SIL1: variants seen among roughly 807,000 people sequenced by gnomAD.
SIL1 encodes nucleotide exchange factor SIL1.
Under a neutral mutation model 49.1 loss-of-function variants are expected in SIL1, and 40 were observed. The observed-to-expected ratio is 0.81, with a 90% CI of 0.63 to 1.06. SIL1 has a LOEUF of 1.06. SIL1 is among the 50% of genes least tolerant of loss of function. The pLI is 0.00. For synonymous variants in SIL1, 253 were observed against 250.8 expected (o/e 1.01, Z -0.08); for missense variants, 500 against 572.6 (o/e 0.87, Z 1.29).
chr5:139,195,746 G>A (rs530074733), intron 1 of SIL1, among the ~76,000 whole-genome samples: 1 of 152,292 alleles, frequency 6.6e-6, no homozygotes, highest in South Asian at 2.1e-4. Context: ...CTTATCCAAG[G>A]TTATGTGGCT....
In SIL1 at chr5:139,040,495, TTTC is replaced by T. The variant is rs1160754770; in HGVS notation, c.453+2122_453+2124del. 5.5e-5 allele frequency among the ~76,000 whole-genome samples: 6 copies of T among 109,108 alleles called. 1 individual carries two copies. Among genetic ancestry groups the T allele is most frequent in the African/African-American group, 7.4e-5 (2 of 27,092 alleles). 71.6% of individuals were successfully genotyped at this position (109,108 alleles called of 152,430 possible). Reference sequence around the variant, plus strand: ...GAGGAGTATTTTTTCTTTTTTCTTTTTTCTTTTTTTTTTTTTTTTTGAGACAGA... The same window carrying T: ...GAGGAGTATTTTTTCTTTTTTCTTTTTTTTTTTTTTTTTTTTTGAGACAGA... On this transcript the variant is annotated intron_variant, in intron 5 of 9. Coordinates refer to ENST00000394817, the MANE Select transcript of SIL1 (RefSeq NM_022464.5).
intron 2 of SIL1, among the ~76,000 whole-genome samples, chr5:139,125,761 G>A (rs1750739375): frequency 6.6e-6 from 1 of 152,126 alleles, no homozygotes; most frequent in Non-Finnish European, 1.5e-5. Context: ...CGAAGGGCCT[G>A]TGCGCCTTCC....
At chr5:139,165,885 G>A (rs13170331) in intron 1 of SIL1, among the ~76,000 whole-genome samples, 59,548 of 151,080 alleles carry the variant, frequency 0.39, 12,764 homozygotes, top group South Asian at 0.51. Flanking sequence ...GGATGGTCTC[G>A]ATCTCCTGAC....
intron 7 of SIL1, among the ~76,000 whole-genome samples, chr5:139,001,847 GTGAGCCA>G (rs901917918): frequency 6.6e-6 from 1 of 152,002 alleles, no homozygotes; most frequent in Admixed American, 6.6e-5. Context: ...AGAGGTTGCC[GTGAGCCA>G]AGTCGCGCCA....
At chr5:139,033,669 T>C (rs1477997907) in intron 5 of SIL1, among the ~76,000 whole-genome samples, 2 of 152,060 alleles carry the variant, frequency 1.3e-5, no homozygotes, top group East Asian at 3.9e-4. Context: ...GATTCCATTA[T>C]AATGAGAGAA....
At chr5:138,975,908 T>C (rs1012975872) in intron 7 of SIL1, among the ~76,000 whole-genome samples, 6 of 152,148 alleles carry the variant, frequency 3.9e-5, no homozygotes, top group Admixed American at 6.5e-5. Flanking sequence ...AACAGAAAAA[T>C]AATAAACTAT....
intron 3 of SIL1, among the ~76,000 whole-genome samples, chr5:139,062,661 G>A (rs891470899): frequency 2.0e-5 from 3 of 152,144 alleles, no homozygotes; most frequent in South Asian, 2.1e-4. Context: ...CAAGAGTAAC[G>A]CTTTCCACAG....
At chr5:139,057,385 G>A (rs892570292) in intron 3 of SIL1, among the ~76,000 whole-genome samples, 2 of 151,554 alleles carry the variant, frequency 1.3e-5, no homozygotes, top group African/African-American at 2.4e-5. Flanking sequence ...AGACACCCAC[G>A]GAGAAGAAAC....
chr5:139,127,118 T>C (rs1750769719), intron 2 of SIL1, among the ~76,000 whole-genome samples: 1 of 152,212 alleles, frequency 6.6e-6, no homozygotes. Flanking sequence ...GCAGAAGCCC[T>C]GAGCAGTAAG....
chr5:139,039,393 C>A (rs1768990605), intron 5 of SIL1, among the ~76,000 whole-genome samples: 1 of 152,172 alleles, frequency 6.6e-6, no homozygotes, highest in Non-Finnish European at 1.5e-5. Context: ...TTATCTTTGG[C>A]AGGAGTTGGA....
intron 1 of SIL1, among the ~76,000 whole-genome samples, chr5:139,130,254 G>A (rs574292755): frequency 1.4e-4 from 21 of 151,712 alleles, no homozygotes; most frequent in African/African-American, 4.8e-4. Flanking sequence ...ACTGTGCTCC[G>A]GCCTGGGCAA....
intron 6 of SIL1, among the ~76,000 whole-genome samples, chr5:139,025,947 AAGG>A (rs1768639537): frequency 6.6e-6 from 1 of 152,160 alleles, no homozygotes; most frequent in Non-Finnish European, 1.5e-5. Flanking sequence ...TTATTTAGGA[AAGG>A]AGGTGTTGGG....
chr5:139,044,437 A>G (rs1769107835), intron 4 of SIL1, among the ~76,000 whole-genome samples: 1 of 152,088 alleles, frequency 6.6e-6, no homozygotes, highest in African/African-American at 2.4e-5. Context: ...GCCATCTCTC[A>G]TCACCCACTC....
intron 5 of SIL1, among the ~76,000 whole-genome samples, chr5:139,038,389 T>TTG (rs937035525): frequency 6.6e-6 from 1 of 152,182 alleles, no homozygotes; most frequent in Admixed American, 6.5e-5. Context: ...CTTGTGTGGG[T>TTG]TGTGGCTCCA....
At position 138,947,528 on chromosome 5, in the gene SIL1, C is replaced by G. The variant is rs1295542983; in HGVS notation, c.1030-55G>C. On this transcript the variant is annotated intron_variant, in intron 9 of 9. Transcript: ENST00000394817. This position sits in a 1 kb window ranked among gnomAD's most constrained non-coding sequence, Gnocchi z 4.1. ...AGGGTGGGGGTGGGGAGAGAACACA[C>G]AGGGAGCAGTTAGCTCACACCTGGC... The G allele has an allele frequency of 5.3e-6, 8 of 1,520,834 alleles. No individual in the cohort carries two copies. The highest frequency in any genetic ancestry group is 7.3e-6 in the Non-Finnish European group (8 of 1,096,372). The allele number at this position is 1,520,834 out of a possible 1,614,324, so 94.2% of individuals were successfully genotyped here. A position where few individuals can be genotyped will look rare whatever the true frequency, so the allele number is the denominator to read the frequency against.
At chr5:139,125,121 C>T (rs1050744012) in intron 2 of SIL1, among the ~76,000 whole-genome samples, 1 of 152,254 alleles carries the variant, frequency 6.6e-6, no homozygotes, top group African/African-American at 2.4e-5. Flanking sequence ...ACAAGCACAA[C>T]TAGCCTCACT....
At chr5:139,049,331 C>G (rs1029175056) in intron 4 of SIL1, among the ~76,000 whole-genome samples, 11 of 152,182 alleles carry the variant, frequency 7.2e-5, no homozygotes, top group African/African-American at 2.7e-4. Flanking sequence ...TGCCACCACA[C>G]CCAGCTAATT....
At chr5:139,125,653 T>G (rs1321396406) in intron 2 of SIL1, among the ~76,000 whole-genome samples, 1 of 152,186 alleles carries the variant, frequency 6.6e-6, no homozygotes, top group Non-Finnish European at 1.5e-5. Flanking sequence ...TAATCTACAC[T>G]AAAACCTTAA....
intron 7 of SIL1, among the ~76,000 whole-genome samples, chr5:139,016,301 G>A (rs1768396668): frequency 6.6e-6 from 1 of 152,112 alleles, no homozygotes; most frequent in Non-Finnish European, 1.5e-5. Flanking sequence ...AATGTGGGAG[G>A]AAAAATCTAG....
Sources: gnomAD v4.1 joint callset for allele counts (sites outside exome capture counted in the v4.1 genomes callset) on GRCh38, gnomAD v4.1.1 for gene constraint, Gnocchi (gnomAD v3.1) non-coding constraint, MANE v1.5 for transcripts, NCBI Gene and HGNC (gene_info 2026-07-23, HGNC 2026-07-21) for gene names.